The following ACTN3 variants were observed in gnomAD, a reference collection of about 807,000 sequenced individuals.
ACTN3 encodes the protein alpha-actinin-3.
A neutral mutation model predicts 119.6 loss-of-function variants in ACTN3; 91 were observed. The ratio of observed to expected loss-of-function variants is 0.76; its 90% CI spans 0.64 to 0.91. The LOEUF is 0.91. ACTN3 is among the 40% of genes least tolerant of loss of function. ACTN3 has a pLI of 0.00. For missense variants in ACTN3, 1,221 were observed against 1,215.1 expected (o/e 1.00, Z -0.07); for synonymous variants, 456 against 478.8 (o/e 0.95, Z 0.62).
rs371569219 is a variant in ACTN3 at position 66,558,137 on chromosome 11, C to A, written c.1239C>A (p.Phe413Leu). Reference sequence around the variant, plus strand: ...GACTCCAGCACCTGGCTGAGAAGTTCCGGCAGAAGGCCTCCCTGCACGAAG... The same window carrying A: ...GACTCCAGCACCTGGCTGAGAAGTTACGGCAGAAGGCCTCCCTGCACGAAG... ...LQRLQHLAEK[F>L]RQKASLHEAW... Residue 413 changes from phenylalanine (F) to leucine (L), a missense_variant, in exon 11 of 21, where the codon TTC becomes TTA. Physicochemically the swap from Phe to Leu is conservative, Grantham distance 22. This residue lies in a region of ACTN3 where 934 missense variants were observed against 899.9 expected (regional missense o/e 1.04). Transcript: ENST00000513398. 53 of 1,613,748 alleles carry A rather than the reference C, an allele frequency of 3.3e-5. No individual in the cohort carries two copies. The highest frequency in any genetic ancestry group is 4.4e-5 in the Non-Finnish European group (52 of 1,179,910).
chr11:66,552,787 G>A (rs139615291), intron 3 of ACTN3, among the ~76,000 whole-genome samples: 2,049 of 151,668 alleles, frequency 0.014, 52 homozygotes, highest in African/African-American at 0.047. Flanking sequence ...ACCCTGGGAG[G>A]CGGAGGTTGC....
chr11:66,560,839 A>G (rs1411674641), intron 15 of ACTN3, 84 bp downstream of exon 15: 2 of 1,417,692 alleles, frequency 1.4e-6, no homozygotes, highest in Non-Finnish European at 9.7e-7. Flanking sequence ...AGATATGGAG[A>G]ATAAAGTCCA....
chr11:66,562,804 G>A lies in ACTN3; in HGVS notation c.2397G>A (p.Val799=), dbSNP rs201288932. 890 of 1,608,738 alleles carry A rather than the reference G, an allele frequency of 5.5e-4. 1 individual carries two copies. The highest frequency in any genetic ancestry group is 6.9e-4 in the Non-Finnish European group (814 of 1,176,962). Residue 799 remains valine (V), a synonymous_variant, in exon 20 of 21, where the codon GTG becomes GTA. Coordinates refer to ENST00000513398, the MANE Select transcript of ACTN3 (RefSeq NM_001104.4). Reference sequence around the variant, plus strand: ...GGCCTCTATCCCTGCAGGGGGAAGTGGAGTTTGCTCGCATCATGACCATGG... The same window carrying A: ...GGCCTCTATCCCTGCAGGGGGAAGTAGAGTTTGCTCGCATCATGACCATGG... ...LISMGYDLGE[V]EFARIMTMVD...
At chr11:66,555,774 G>T (rs538367838) in intron 7 of ACTN3, among the ~76,000 whole-genome samples, 12 of 152,220 alleles carry the variant, frequency 7.9e-5, no homozygotes, top group Non-Finnish European at 1.5e-4. Context: ...GGGCACTGCT[G>T]GAGAAGAACT....
rs541864991 is a variant in ACTN3, at chr11:66,563,000, G to A, written c.2548-35G>A. ...GGGCTGGTGGGCTAGGGCAGGGCAC[G>A]GGACCTGTGGGTCCTCAACGCCTCT... is the stretch of plus-strand genomic sequence containing the variant. On this transcript the variant is annotated intron_variant, in intron 20 of 20. Transcript: ENST00000513398. 649 of 1,607,050 alleles carry A rather than the reference G, an allele frequency of 4.0e-4. 7 individuals carry two copies. The South Asian group carries it at 6.1e-3, about 15-fold the overall frequency.
intron 16 of ACTN3, 37 bp downstream of exon 16, chr11:66,561,398 G>A: frequency 1.2e-6 from 2 of 1,606,716 alleles, no homozygotes; most frequent in East Asian, 2.2e-5. Context: ...CTGGGGGGAT[G>A]GGGCCAGGGC....
chr11:66,555,297 C>T lies in ACTN3; in HGVS notation c.648C>T (p.Ile216=), dbSNP rs375953442. ...TTACACCCTTCTAGGATGACCCCATCGGAAACCTGAACACTGCCTTTGAGG... is the reference window on the plus strand; with the variant it reads ...TTACACCCTTCTAGGATGACCCCATTGGAAACCTGAACACTGCCTTTGAGG... ...DYAKLRKDDP[I]GNLNTAFEVA... Residue 216 remains isoleucine, a synonymous_variant, in exon 7 of 21, where the codon ATC becomes ATT. Coordinates refer to ENST00000513398, the MANE Select transcript of ACTN3 (RefSeq NM_001104.4). 6.8e-5 allele frequency: 109 copies of T among 1,614,064 alleles called. No homozygotes were observed. Among genetic ancestry groups the T allele is most frequent in the Non-Finnish European group, 8.7e-5 (103 of 1,179,950 alleles).
chr11:66,557,059 CG>C, intron 8 of ACTN3, 73 bp from the exon 9 acceptor site: 2 of 1,391,216 alleles, frequency 1.4e-6, no homozygotes, highest in South Asian at 2.6e-5. Context: ...CCGCGCTCGG[CG>C]GGGCTCTGGG....
chr11:66,555,312 T>C lies in ACTN3; in HGVS notation c.663T>C (p.Thr221=), dbSNP rs1857568799. The C allele has an allele frequency of 6.2e-7, 1 of 1,613,960 alleles. No homozygotes were observed. Among genetic ancestry groups the C allele is most frequent in the Non-Finnish European group, 8.5e-7 (1 of 1,179,966 alleles). The change falls in exon 7 of 21, where the codon ACT becomes ACC. Residue 221 remains threonine (T), a synonymous_variant. Transcript: ENST00000513398. ...ATGACCCCATCGGAAACCTGAACACTGCCTTTGAGGTGGCAGAGAAATACC... is the reference window on the plus strand; with the variant it reads ...ATGACCCCATCGGAAACCTGAACACCGCCTTTGAGGTGGCAGAGAAATACC... ...RKDDPIGNLN[T]AFEVAEKYLD...
chr11:66,559,362 T>G lies in ACTN3; in HGVS notation c.1403T>G (p.Ile468Ser). Residue 468 changes from isoleucine to serine, a missense_variant, in exon 12 of 21, where the codon ATT becomes AGT. Coordinates refer to ENST00000513398, the MANE Select transcript of ACTN3 (RefSeq NM_001104.4). Reference protein sequence around the residue: ...LAAHQDRVEHIAALAQELNEL... With the variant: ...LAAHQDRVEHSAALAQELNEL... ...GCGCACCAGGACCGCGTGGAGCACA[T>G]TGCCGCGCTGGCCCAGGAGCTCAAG... 1 of 1,557,872 alleles carries G rather than the reference T, an allele frequency of 6.4e-7. No individual in the cohort carries two copies. The highest frequency in any genetic ancestry group is 8.6e-7 in the Non-Finnish European group (1 of 1,157,332).
intron 4 of ACTN3, 80 bp downstream of exon 4, chr11:66,554,211 G>A: frequency 1.6e-6 from 2 of 1,247,150 alleles, no homozygotes; most frequent in Non-Finnish European, 2.3e-6. Flanking sequence ...GTCGAGGCGG[G>A]CAGACCACTT....
At chr11:66,555,479 C>A (rs1857573039) in intron 7 of ACTN3, 112 bp downstream of exon 7, 15 of 1,035,804 alleles carry the variant, frequency 1.4e-5, no homozygotes, top group Non-Finnish European at 2.0e-5. Context: ...CGACCACCCC[C>A]ACCCCACTCC....
chr11:66,547,447 C>G (rs565901964), intron 1 of ACTN3, among the ~76,000 whole-genome samples: 22 of 152,278 alleles, frequency 1.4e-4, no homozygotes, highest in African/African-American at 5.1e-4. Context: ...CCAGACCCCA[C>G]CCTGAAGGCT....
intron 3 of ACTN3, among the ~76,000 whole-genome samples, chr11:66,552,880 TCACACA>T (rs4013815): frequency 0.043 from 4,976 of 114,464 alleles, 264 homozygotes; most frequent in African/African-American, 0.12. Context: ...TCTCTCTCTC[TCACACA>T]CACACACACA....
At chr11:66,549,997 C>T (rs1034527853) in intron 1 of ACTN3, among the ~76,000 whole-genome samples, 1 of 152,176 alleles carries the variant, frequency 6.6e-6, no homozygotes, top group Admixed American at 6.5e-5. Context: ...GTCCAGCTCC[C>T]AGGGCATCTG....
chr11:66,556,175 AG>A lies in ACTN3; in HGVS notation c.751del (p.Ala251ProfsTer3). 1 of 1,613,890 alleles carries A rather than the reference AG, an allele frequency of 6.2e-7. No individual in the cohort carries two copies. The highest frequency in any genetic ancestry group is 8.5e-7 in the Non-Finnish European group (1 of 1,179,902). ...DIVNTPKPDE[K>X]AIMTYVSCFY... ...GTGAACACCCCAAAGCCGGATGAGA[AG>A]GCCATCATGACCTATGTGTCCTGCT... is the stretch of plus-strand genomic sequence containing the variant. On this transcript the variant is annotated frameshift_variant, in exon 8 of 21. Transcript: ENST00000513398. LOFTEE classifies it high-confidence loss of function.
chr11:66,560,356 T>C, intron 14 of ACTN3, 45 bp downstream of exon 14: 2 of 1,581,388 alleles, frequency 1.3e-6, no homozygotes, highest in Non-Finnish European at 8.6e-7. Flanking sequence ...ACAGGAAAGC[T>C]GGCCCCAAAT....
At chr11:66,558,226 T>C in intron 11 of ACTN3, 52 bp downstream of exon 11, 1 of 1,600,178 alleles carries the variant, frequency 6.2e-7, no homozygotes, top group African/African-American at 1.3e-5. Flanking sequence ...TGGAGATTGG[T>C]GTGCAGGGGC....
chr11:66,557,868 A>G lies in ACTN3; in HGVS notation c.1067A>G (p.Gln356Arg). The change falls in exon 10 of 21, where the codon CAG becomes CGG. Residue 356 changes from glutamine to arginine, a missense_variant. Physicochemically the swap from Gln to Arg is conservative, Grantham distance 43 (BLOSUM62 1). Around this residue, in one of 3 missense-constraint regions of ACTN3, gnomAD observed 934 missense variants for 899.9 expected, o/e 1.04. Coordinates refer to ENST00000513398, the MANE Select transcript of ACTN3 (RefSeq NM_001104.4). Reference protein sequence around the residue: ...CQLEINFNTLQTKLRLSHRPA... With the variant: ...CQLEINFNTLRTKLRLSHRPA... ...CTGGAGATCAACTTCAACACACTGC[A>G]GACCAAGTTGCGGCTCAGCCACCGG... 2 of 1,614,104 alleles carry G rather than the reference A, an allele frequency of 1.2e-6. No individual in the cohort carries two copies. The highest frequency in any genetic ancestry group is 2.2e-5 in the East Asian group (1 of 44,874).
Sources: gnomAD v4.1 joint callset for allele counts (sites outside exome capture counted in the v4.1 genomes callset) on GRCh38, gnomAD v4.1.1 for gene constraint, gnomAD v4.1.1 regional missense constraint, MANE v1.5 for transcripts, NCBI Gene and HGNC (gene_info 2026-07-23, HGNC 2026-07-21) for gene names.